The following DNAH17 variants were observed in gnomAD, a reference collection of about 807,000 sequenced individuals.
DNAH17 encodes axonemal beta dynein heavy chain 17.
In DNAH17, 376 loss-of-function variants were observed where a neutral mutation model predicts 485.6. The ratio of observed to expected loss-of-function variants is 0.77; its 90% confidence interval spans 0.71 to 0.84. The LOEUF is 0.84. Ranked by LOEUF, DNAH17 falls within the 40% of genes least tolerant of loss-of-function variation. The probability of loss-of-function intolerance (pLI) is 0.00; values close to 1 mark genes in which losing one functional copy is unlikely to be tolerated. For missense variants in DNAH17, 6,370 were observed against 5,839.3 expected, an observed-to-expected ratio of 1.09 and a Z score of -2.96; for synonymous variants, 3,031 against 2,405.9, an observed-to-expected ratio of 1.26 and a Z score of -7.60.
In DNAH17 at chr17:78,494,181, G is replaced by A; in HGVS notation, c.6271-8C>T. On this transcript the variant is annotated splice_polypyrimidine_tract_variant and splice_region_variant and intron_variant, in intron 40 of 80. Transcript: ENST00000389840. Reference sequence around the variant, plus strand: ...GATGCTCTGCTTGATGATCTGGGGAGACATGGATGAGGCTGGGTGAGGAAC... The same window carrying A: ...GATGCTCTGCTTGATGATCTGGGGAAACATGGATGAGGCTGGGTGAGGAAC... 6.2e-7 allele frequency: 1 copy of A among 1,607,130 alleles called. No individual in the cohort carries two copies. The highest frequency in any genetic ancestry group is 8.5e-7 in the Non-Finnish European group (1 of 1,176,188).
chr17:78,531,264 G>A (rs1406367525), intron 20 of DNAH17, among the ~76,000 whole-genome samples: 2 of 151,642 alleles, frequency 1.3e-5, no homozygotes, highest in African/African-American at 2.4e-5. Context: ...AAATCCTCTC[G>A]CTGAGTTGAT....
chr17:78,560,606 CACTT>C (rs2092131986), intron 13 of DNAH17, 130 bp downstream of exon 13: 12 of 953,296 alleles, frequency 1.3e-5, no homozygotes, highest in Non-Finnish European at 1.8e-5. Context: ...ACCCTGGACA[CACTT>C]AAGAAGTAAA....
rs1399493507 is a variant in DNAH17, at chr17:78,485,982, A to G, written c.7253T>C (p.Leu2418Pro). 1.2e-6 allele frequency: 2 copies of G among 1,612,872 alleles called. No homozygotes were observed. The highest frequency in any genetic ancestry group is 1.1e-5 in the South Asian group (1 of 90,960). Residue 2418 changes from leucine (L) to proline (P), a missense_variant, in exon 46 of 81, where the codon CTG becomes CCG. Transcript: ENST00000389840. The part of the protein sequence containing the change: ...PWTDKVPSFE[L>P]DPDVPLQASL... ...TACCTGCAGTGGGACATCGGGATCC[A>G]GCTCAAAGGAGGGCACTTTATCTGT...
intron 64 of DNAH17, 42 bp from the exon 65 acceptor site, chr17:78,453,507 C>A: frequency 6.2e-7 from 1 of 1,610,884 alleles, no homozygotes; most frequent in South Asian, 1.1e-5. Flanking sequence ...CAGAGGGCCT[C>A]GTGATGGAAC....
Position 78,506,705 on chromosome 17 carries a change from A to G in DNAH17, c.4803+15T>C. ...ATGTTGGCTTAAACACCGGAATGCA[A>G]GGGGCCCCGCCTACCTCCACGGGGT... On this transcript the variant is annotated intron_variant, in intron 30 of 80. Coordinates refer to ENST00000389840, the MANE Select transcript of DNAH17 (RefSeq NM_173628.4). 6.2e-7 allele frequency: 1 copy of G among 1,613,264 alleles called. No individual in the cohort carries two copies. The highest frequency in any genetic ancestry group is 1.1e-5 in the South Asian group (1 of 91,064).
intron 25 of DNAH17, among the ~76,000 whole-genome samples, chr17:78,519,711 A>G (rs2090886221): frequency 6.6e-6 from 1 of 152,216 alleles, no homozygotes; most frequent in Non-Finnish European, 1.5e-5. Flanking sequence ...TTCCTCAAAA[A>G]CCACAAGCTA....
In DNAH17 at chr17:78,561,732, C is replaced by G; in HGVS notation, c.1818G>C (p.Leu606=). 1 of 1,610,132 alleles carries G rather than the reference C, an allele frequency of 6.2e-7. No individual in the cohort carries two copies. Among genetic ancestry groups the G allele is most frequent in the East Asian group, 2.2e-5 (1 of 44,766 alleles). ...TGACTCACGGGTGTTCGACGTGCTTCAGGTGTTTCATGGACACCTCTAGCC... is the reference window on the plus strand; with the variant it reads ...TGACTCACGGGTGTTCGACGTGCTTGAGGTGTTTCATGGACACCTCTAGCC... The part of the protein sequence containing the change: ...QERLEVSMKH[L]KHVEHPVMSG... Residue 606 remains leucine (L), a synonymous_variant, in exon 12 of 81, where the codon CTG becomes CTC. Transcript: ENST00000389840.
In DNAH17 at chr17:78,441,219, G is replaced by C; in HGVS notation, c.11529-20C>G. On this transcript the variant is annotated intron_variant, in intron 71 of 80. Coordinates refer to ENST00000389840, the MANE Select transcript of DNAH17 (RefSeq NM_173628.4). ...AAGTTCCTAGGGGTGGAGTGCATCA[G>C]AGGCAGCGGAACCTGAGGCTCTGGG... 2 of 1,613,040 alleles carry C rather than the reference G, an allele frequency of 1.2e-6. No individual in the cohort carries two copies. Among genetic ancestry groups the C allele is most frequent in the Non-Finnish European group, 1.7e-6 (2 of 1,179,552 alleles).
rs759862644 is a variant in DNAH17 at position 78,444,705 on chromosome 17, G to A, written c.11427C>T (p.Pro3809=). The change falls in exon 71 of 81, where the codon CCC becomes CCT. Residue 3809 remains proline (P), a synonymous_variant. Transcript: ENST00000389840. ...RWKKLVESEA[P]EKEIFPKEWK... ...ACTCCTTGGGGAAGATCTCCTTCTCGGGGGCTTCCGACTCCACCAGCTTTT... is the reference window on the plus strand; with the variant it reads ...ACTCCTTGGGGAAGATCTCCTTCTCAGGGGCTTCCGACTCCACCAGCTTTT... 4.0e-5 allele frequency: 65 copies of A among 1,608,568 alleles called. No individual in the cohort carries two copies. Among genetic ancestry groups the A allele is most frequent in the African/African-American group, 8.1e-5 (6 of 74,284 alleles).
chr17:78,461,974 C>A (rs1326762799), intron 57 of DNAH17, among the ~76,000 whole-genome samples: 1 of 152,042 alleles, frequency 6.6e-6, no homozygotes, highest in Non-Finnish European at 1.5e-5. Flanking sequence ...ATATCAACTG[C>A]AGCCTGGGCA....
chr17:78,532,910 G>C, intron 19 of DNAH17, 174 bp from the exon 20 acceptor site: 1 of 696,732 alleles, frequency 1.4e-6, no homozygotes, highest in Non-Finnish European at 2.3e-6. Flanking sequence ...AGGCAACCTG[G>C]TGGTCCCCCA....
chr17:78,490,985 A>G (rs2089828235), intron 43 of DNAH17, 138 bp from the exon 44 acceptor site: 5 of 1,122,766 alleles, frequency 4.5e-6, no homozygotes, highest in Non-Finnish European at 6.1e-6. Flanking sequence ...CCTGGCCCAC[A>G]GCCCTAGTCC....
rs1231360427 is a variant in DNAH17 at position 78,466,796 on chromosome 17, A to G, written c.8799T>C (p.Pro2933=). ...RQLKVILCFS[P]VGSVLRVRAR... is the part of the protein sequence containing the mutation. Reference sequence around the variant, plus strand: ...CTCGTACCCGCAGCACGGAGCCCACAGGGGAGAAACACAGGATCACCTGGG... The same window carrying G: ...CTCGTACCCGCAGCACGGAGCCCACGGGGGAGAAACACAGGATCACCTGGG... The change falls in exon 56 of 81, where the codon CCT becomes CCC. Residue 2933 remains proline (P), a synonymous_variant. Transcript: ENST00000389840. 1 of 1,596,816 alleles carries G rather than the reference A, an allele frequency of 6.3e-7. No individual in the cohort carries two copies. The highest frequency in any genetic ancestry group is 8.5e-7 in the Non-Finnish European group (1 of 1,172,248).
In DNAH17 at chr17:78,428,200, T is replaced by G. The variant is rs542647492; in HGVS notation, c.12588+325A>C. 1.7e-3 allele frequency: 694 copies of G among 408,916 alleles called. 11 individuals are homozygous for G. Among genetic ancestry groups the G allele is most frequent in the Non-Finnish European group, 2.6e-4 (57 of 215,252 alleles). 25.3% of individuals were successfully genotyped at this position (408,916 alleles called of 1,614,324 possible). On this transcript the variant is annotated intron_variant, in intron 77 of 80. Coordinates refer to ENST00000389840, the MANE Select transcript of DNAH17 (RefSeq NM_173628.4). ...CTGGCCAGGCCAGGGTGGGGAATGG[T>G]CGGTGCCCTTCCTGGCGCTCAGCTA...
Position 78,525,063 on chromosome 17 carries a change from C to G in DNAH17, c.3810G>C (p.Lys1270Asn), listed in dbSNP as rs1456998923. 1.2e-5 allele frequency: 20 copies of G among 1,613,750 alleles called. No individual in the cohort carries two copies. The highest frequency in any genetic ancestry group is 1.7e-5 in the Non-Finnish European group (20 of 1,179,874). ...EVPVPDYKQL[K>N]ACHREVRLLK... ...GTAGGCGGACCTCCCGGTGGCAGGC[C>G]TTGAGCTGCTTGTAGTCTGGGACGG... Residue 1270 changes from lysine (K) to asparagine (N), a missense_variant, in exon 25 of 81, where the codon AAG becomes AAC. Transcript: ENST00000389840.
At chr17:78,434,872 G>A (rs542856652) in intron 74 of DNAH17, among the ~76,000 whole-genome samples, 124 of 152,346 alleles carry the variant, frequency 8.1e-4, no homozygotes, top group African/African-American at 2.9e-3. Flanking sequence ...GGCTGACGGA[G>A]CACCTCTGGG....
chr17:78,569,427 T>A lies in DNAH17; in HGVS notation c.1145A>T (p.Glu382Val). ...GISLAVNVLK[E>V]LYQTYDFCCV... ...GCAGAAGTCGTACGTCTGGTAGAGCTCCTTCAGCACATTTACAGCCAGGGA... is the reference window on the plus strand; with the variant it reads ...GCAGAAGTCGTACGTCTGGTAGAGCACCTTCAGCACATTTACAGCCAGGGA... Residue 382 changes from glutamate (E) to valine (V), a missense_variant, in exon 8 of 81, where the codon GAG becomes GTG. Transcript: ENST00000389840. 1 of 1,612,734 alleles carries A rather than the reference T, an allele frequency of 6.2e-7. No individual in the cohort carries two copies. Among genetic ancestry groups the A allele is most frequent in the African/African-American group, 1.3e-5 (1 of 75,034 alleles).
chr17:78,541,423 G>A (rs1428015076), intron 17 of DNAH17, among the ~76,000 whole-genome samples: 1 of 151,138 alleles, frequency 6.6e-6, no homozygotes, highest in African/African-American at 2.4e-5. Context: ...ATGGATGGAT[G>A]AATCTCTAGG....
At chr17:78,510,547 G>A (rs1452719755) in intron 26 of DNAH17, 41 bp from the exon 27 acceptor site, 1 of 1,610,050 alleles carries the variant, frequency 6.2e-7, no homozygotes, top group Non-Finnish European at 8.5e-7. Flanking sequence ...TTCAGGTCAT[G>A]TGCACTCTGC....
Sources: allele counts gnomAD v4.1 joint callset (sites outside exome capture counted in the v4.1 genomes callset), GRCh38; gene constraint gnomAD v4.1.1; transcripts MANE v1.5; gene names NCBI Gene and HGNC (gene_info 2026-07-23, HGNC 2026-07-21).